The following MOCOS variants were observed in gnomAD, a reference collection of about 807,000 sequenced individuals.
MOCOS encodes human molybdenum cofactor sulfurase.
A neutral mutation model predicts 83.6 loss-of-function variants in MOCOS; 86 were observed. The ratio of observed to expected loss-of-function variants is 1.03; its 90% CI spans 0.86 to 1.23. MOCOS has a LOEUF of 1.23. Ranked by LOEUF, MOCOS falls within the 50% of genes most tolerant of loss-of-function variation. The pLI is 0.00. For missense variants in MOCOS, 1,120 were observed against 1,126.9 expected (o/e 0.99, Z 0.09); for synonymous variants, 445 against 434.7 (o/e 1.02, Z -0.29).
At chr18:36,205,599 A>T (rs1475744587) in intron 6 of MOCOS, among the ~76,000 whole-genome samples, 2 of 152,216 alleles carry the variant, frequency 1.3e-5, no homozygotes, top group Admixed American at 1.3e-4. Context: ...GCATGGTGGT[A>T]GGTGGTTATC....
At chr18:36,217,230 T>C (rs1180904452) in intron 8 of MOCOS, among the ~76,000 whole-genome samples, 1 of 152,136 alleles carries the variant, frequency 6.6e-6, no homozygotes, top group Non-Finnish European at 1.5e-5. Context: ...CAGTAGAGTA[T>C]TATGGGGATG....
intron 9 of MOCOS, among the ~76,000 whole-genome samples, chr18:36,225,448 C>T (rs2144926828): frequency 6.6e-6 from 1 of 152,314 alleles, no homozygotes; most frequent in African/African-American, 2.4e-5. Context: ...CTGTGCCCGG[C>T]AAGTTTTCTA....
intron 5 of MOCOS, 71 bp from the exon 6 acceptor site, chr18:36,204,996 CAAAAAAAAAA>C: frequency 2.4e-6 from 1 of 422,344 alleles, no homozygotes; most frequent in East Asian, 5.9e-5. Context: ...GACCGTGTCT[CAAAAAAAAAA>C]AAAAAAAAAA....
intron 9 of MOCOS, among the ~76,000 whole-genome samples, chr18:36,237,596 C>T (rs966967336): frequency 2.6e-5 from 4 of 151,976 alleles, no homozygotes; most frequent in Non-Finnish European, 4.4e-5. Context: ...AAATTCTCTT[C>T]TTTGGTTGTG....
chr18:36,215,158 C>T (rs2091470897), intron 7 of MOCOS, among the ~76,000 whole-genome samples: 1 of 152,208 alleles, frequency 6.6e-6, no homozygotes, highest in African/African-American at 2.4e-5. Flanking sequence ...CCCGGGTAGA[C>T]CTTGAGGTTG....
intron 6 of MOCOS, among the ~76,000 whole-genome samples, chr18:36,209,152 ATGGTGGAT>A (rs2091445092): frequency 1.3e-5 from 2 of 151,518 alleles, no homozygotes; most frequent in African/African-American, 4.8e-5. Context: ...CTACTTGATT[ATGGTGGAT>A]TAACTTTCTC....
intron 9 of MOCOS, among the ~76,000 whole-genome samples, chr18:36,223,439 A>C (rs531861782): frequency 1.3e-5 from 2 of 152,326 alleles, no homozygotes; most frequent in African/African-American, 2.4e-5. Flanking sequence ...AGCCTGTTTC[A>C]TTAGTCTGTG....
intron 2 of MOCOS, among the ~76,000 whole-genome samples, chr18:36,196,301 G>A (rs939407904): frequency 2.6e-5 from 4 of 152,124 alleles, no homozygotes; most frequent in South Asian, 4.2e-4. Flanking sequence ...TCAGGTACTC[G>A]CTATGAGCTT....
At chr18:36,241,781 C>G (rs1568063639) in intron 9 of MOCOS, among the ~76,000 whole-genome samples, 1 of 152,254 alleles carries the variant, frequency 6.6e-6, no homozygotes, top group Non-Finnish European at 1.5e-5. Flanking sequence ...TACCAAATCT[C>G]AGTTCTTGAC....
At chr18:36,228,499 C>G (rs1018781696) in intron 9 of MOCOS, among the ~76,000 whole-genome samples, 2 of 152,070 alleles carry the variant, frequency 1.3e-5, no homozygotes, top group African/African-American at 4.8e-5. Flanking sequence ...ACTATGCAGT[C>G]ATAAAAAAGA....
At position 36,215,708 on chromosome 18, in the gene MOCOS, G is replaced by C; in HGVS notation, c.1528G>C (p.Ala510Pro). The change falls in exon 8 of 15, where the codon GCC becomes CCC. Residue 510 changes from alanine (A) to proline (P), a missense_variant. Physicochemically the swap from Ala to Pro is conservative, Grantham distance 27. Coordinates refer to ENST00000261326, the MANE Select transcript of MOCOS (RefSeq NM_017947.4). ...CCATGCTGACACCGGGGAGACTGGA[G>C]CCCCATCAGCAGACAGCCAGGCTGA... The part of the protein sequence containing the change: ...QAHADTGETG[A>P]PSADSQADVI... 6.2e-7 allele frequency: 1 copy of C among 1,614,170 alleles called. No homozygotes were observed. Among genetic ancestry groups the C allele is most frequent in the Non-Finnish European group, 8.5e-7 (1 of 1,180,038 alleles).
In MOCOS at chr18:36,271,335, T is replaced by G. The variant is rs2091698443; in HGVS notation, c.*2650T>G. 6.6e-6 allele frequency: 1 copy of G among 152,126 alleles called. No homozygotes were observed. Among genetic ancestry groups the G allele is most frequent in the East Asian group, 1.9e-4 (1 of 5,206 alleles). 9.4% of individuals were successfully genotyped at this position (152,126 alleles called of 1,614,324 possible). ...TTAAAGCTGCCCCTATTTTTATCAT[T>G]AATTGATTGAATATTAATTAAATAT... On this transcript the variant is annotated 3_prime_UTR_variant, in exon 15 of 15. Coordinates refer to ENST00000261326, the MANE Select transcript of MOCOS (RefSeq NM_017947.4).
At chr18:36,260,479 G>A (rs2091659985) in intron 13 of MOCOS, among the ~76,000 whole-genome samples, 1 of 152,182 alleles carries the variant, frequency 6.6e-6, no homozygotes, top group African/African-American at 2.4e-5. Context: ...TGGAATGCTT[G>A]TGTCATGAGA....
At chr18:36,235,056 C>G (rs2091552726) in intron 9 of MOCOS, among the ~76,000 whole-genome samples, 1 of 152,060 alleles carries the variant, frequency 6.6e-6, no homozygotes, top group Admixed American at 6.6e-5. Flanking sequence ...GCCCCTGGCC[C>G]CTCCCAAATC....
intron 6 of MOCOS, among the ~76,000 whole-genome samples, chr18:36,209,963 C>G (rs540255089): frequency 6.6e-6 from 1 of 152,260 alleles, no homozygotes; most frequent in Non-Finnish European, 1.5e-5. Flanking sequence ...CTTGGCCTCC[C>G]AAGGTGCTGC....
At position 36,239,285 on chromosome 18, in the gene MOCOS, T is replaced by C. The variant is rs1174096542; in HGVS notation, c.1961-9637T>C. On this transcript the variant is annotated intron_variant, in intron 9 of 14. Transcript: ENST00000261326. ...CAGCGGCTGGTACCAGTTTTTCCTT[T>C]CCATGTTTAGCGCTTCCTTCAGGAG... Among the ~76,000 whole-genome samples, 7 of 151,512 alleles carry C rather than the reference T, an allele frequency of 4.6e-5. No homozygotes were observed. The East Asian group carries it at 1.4e-3, about 29-fold the overall frequency.
At chr18:36,198,870 G>T (rs955296226) in intron 3 of MOCOS, 114 bp downstream of exon 3, 5 of 1,090,104 alleles carry the variant, frequency 4.6e-6, no homozygotes, top group Non-Finnish European at 7.0e-6. Flanking sequence ...GATCACAGTT[G>T]GCTAAAAGGC....
rs181629411 is a variant in MOCOS, at chr18:36,263,322, C to A, written c.2409+3147C>A. ...AGGAAAGACAGTTATGTGAATTAGG[C>A]CTTTATTGCAAAATTATTGATCACA... On this transcript the variant is annotated intron_variant, in intron 13 of 14. Coordinates refer to ENST00000261326, the MANE Select transcript of MOCOS (RefSeq NM_017947.4). Among the ~76,000 whole-genome samples the A allele has an allele frequency of 2.0e-5, 3 of 152,220 alleles. No individual in the cohort carries two copies. The East Asian group carries it at 5.8e-4, about 29-fold the overall frequency.
intron 9 of MOCOS, among the ~76,000 whole-genome samples, chr18:36,225,992 G>C (rs913511292): frequency 6.7e-6 from 1 of 150,300 alleles, no homozygotes; most frequent in Non-Finnish European, 1.5e-5. Flanking sequence ...AGAAAGATCC[G>C]TGTGTGCCTT....
Sources: allele counts gnomAD v4.1 joint callset (sites outside exome capture counted in the v4.1 genomes callset), GRCh38; gene constraint gnomAD v4.1.1; transcripts MANE v1.5; gene names NCBI Gene and HGNC (gene_info 2026-07-23, HGNC 2026-07-21).